Variants in CFAP57 observed in about 807,000 individuals in gnomAD.
The protein encoded by CFAP57 is cilia- and flagella-associated protein 57.
A neutral mutation model predicts 146.8 loss-of-function variants in CFAP57; 116 were observed. The observed-to-expected ratio is 0.79, with a 90% confidence interval of 0.68 to 0.92. The LOEUF (loss-of-function observed/expected upper bound fraction) is 0.92, where lower values mean the gene tolerates loss of function less well. Ranked by LOEUF, CFAP57 falls within the 40% of genes least tolerant of loss-of-function variation. CFAP57 has a pLI of 0.00. For missense variants in CFAP57, 1,377 were observed against 1,527.2 expected (o/e 0.90, Z 1.64); for synonymous variants, 518 against 552.8 (o/e 0.94, Z 0.88).
At chr1:43,249,489 G>T (rs1195833749) in intron 22 of CFAP57, among the ~76,000 whole-genome samples, 1 of 136,254 alleles carries the variant, frequency 7.3e-6, no homozygotes, top group African/African-American at 2.8e-5. Context: ...GAGTGCAGTG[G>T]CGCGATCTCG....
chr1:43,181,534 G>C lies in CFAP57; in HGVS notation c.158G>C (p.Gly53Ala). The C allele has an allele frequency of 6.2e-7, 1 of 1,614,050 alleles. No homozygotes were observed. The highest frequency in any genetic ancestry group is 8.5e-7 in the Non-Finnish European group (1 of 1,180,026). The change falls in exon 3 of 23, where the codon GGC (glycine) becomes GCC (alanine). Residue 53 changes from glycine (G) to alanine (A), a missense_variant and splice_region_variant. Transcript: ENST00000372492. Reference sequence around the variant, plus strand: ...TATTTCCTTTTTCCTCTGTTTGCAGGCTCAGAGAAGAGTCAGGGCATGTTG... The same window carrying C: ...TATTTCCTTTTTCCTCTGTTTGCAGCCTCAGAGAAGAGTCAGGGCATGTTG... ...VDQKWQKFIP[G>A]SEKSQGMLAL...
chr1:43,226,304 T>C (rs1645240388), intron 17 of CFAP57, among the ~76,000 whole-genome samples: 1 of 152,230 alleles, frequency 6.6e-6, no homozygotes, highest in Non-Finnish European at 1.5e-5. Context: ...CTGGGAATAC[T>C]GGGGGTGACT....
intron 7 of CFAP57, among the ~76,000 whole-genome samples, chr1:43,197,924 G>C (rs1351488853): frequency 6.6e-6 from 1 of 152,198 alleles, no homozygotes; most frequent in East Asian, 1.9e-4. Context: ...GGGACATGAA[G>C]AGATGAAGAC....
In CFAP57 at chr1:43,219,519, C is replaced by T. The variant is rs1644964211; in HGVS notation, c.2229C>T (p.Ser743=). The change falls in exon 13 of 23, where the codon TCC becomes TCT. Residue 743 remains serine, a synonymous_variant. Coordinates refer to ENST00000372492, the MANE Select transcript of CFAP57 (RefSeq NM_001378189.1). The part of the protein sequence containing the change: ...LTDKFIQEME[S]LKTKNQVLRT... ...ACAAGTTCATCCAGGAAATGGAGTC[C>T]TTGAAAACAAAAAACCAGGTCTGTT... 6.4e-7 allele frequency: 1 copy of T among 1,550,404 alleles called. No individual in the cohort carries two copies. Among genetic ancestry groups the T allele is most frequent in the Non-Finnish European group, 8.7e-7 (1 of 1,146,934 alleles).
At chr1:43,232,244 G>T (rs970175449) in intron 18 of CFAP57, 26 of 594,036 alleles carry the variant, frequency 4.4e-5, no homozygotes, top group Non-Finnish European at 9.0e-6. Flanking sequence ...CATGGTTGAA[G>T]GAAAGGGAAA....
chr1:43,227,269 G>C, intron 18 of CFAP57, 143 bp downstream of exon 18: 1 of 1,030,110 alleles, frequency 9.7e-7, no homozygotes, highest in Middle Eastern at 3.2e-4. Context: ...CAGTCCACAG[G>C]GGTGCAACAG....
At chr1:43,216,772 T>G (rs1570162980) in intron 12 of CFAP57, among the ~76,000 whole-genome samples, 1 of 152,232 alleles carries the variant, frequency 6.6e-6, no homozygotes, top group East Asian at 1.9e-4. Context: ...ACTCTCTTTA[T>G]ATTCCATTAT....
intron 2 of CFAP57, among the ~76,000 whole-genome samples, chr1:43,180,218 A>G (rs1241286963): frequency 7.4e-6 from 1 of 135,136 alleles, no homozygotes; most frequent in Non-Finnish European, 1.5e-5. Context: ...AAAAATATAT[A>G]TATTTTATAT....
chr1:43,190,054 G>A (rs559459595), intron 6 of CFAP57, among the ~76,000 whole-genome samples: 3 of 152,198 alleles, frequency 2.0e-5, no homozygotes, highest in Admixed American at 6.5e-5. Flanking sequence ...TTTTATCAGC[G>A]TTTTTAGTGA....
intron 8 of CFAP57, 121 bp from the exon 9 acceptor site, chr1:43,199,269 C>A (rs542839825): frequency 8.8e-6 from 8 of 905,150 alleles, no homozygotes; most frequent in South Asian, 2.6e-5. Context: ...ACCTTCCCCC[C>A]ACTCCCACCC....
At position 43,254,277 on chromosome 1, in the gene CFAP57, T is replaced by G. The variant is rs1051625835; in HGVS notation, c.*86T>G. 2 of 1,252,740 alleles carry G rather than the reference T, an allele frequency of 1.6e-6. No individual in the cohort carries two copies. The highest frequency in any genetic ancestry group is 3.0e-5 in the African/African-American group (2 of 66,530). 77.6% of individuals were successfully genotyped at this position (1,252,740 alleles called of 1,614,324 possible). A position where few individuals can be genotyped will look rare whatever the true frequency, so the allele number is the denominator to read the frequency against. On this transcript the variant is annotated 3_prime_UTR_variant, in exon 23 of 23. Coordinates refer to ENST00000372492, the MANE Select transcript of CFAP57 (RefSeq NM_001378189.1). Reference sequence around the variant, plus strand: ...GCCAGACTTGCGGTTGGAGTCTGTATGGTCCCTGCAGCACTGACCCCAGCA... The same window carrying G: ...GCCAGACTTGCGGTTGGAGTCTGTAGGGTCCCTGCAGCACTGACCCCAGCA...
chr1:43,186,738 G>A lies in CFAP57; in HGVS notation c.1001G>A (p.Ser334Asn), dbSNP rs999240240. Reference sequence around the variant, plus strand: ...GTGGACCCGCAGAGCAATGATCCAAGTCAGTCTGACAAACAGGACGTTCTC... The same window carrying A: ...GTGGACCCGCAGAGCAATGATCCAAATCAGTCTGACAAACAGGACGTTCTC... ...IPVDPQSNDPSQSDKQDVLCL... is the reference protein window; with the variant it reads ...IPVDPQSNDPNQSDKQDVLCL... Residue 334 changes from serine to asparagine, a missense_variant, in exon 6 of 23, where the codon AGT (serine) becomes AAT (asparagine). Physicochemically the swap from Ser to Asn is conservative, Grantham distance 46. Coordinates refer to ENST00000372492, the MANE Select transcript of CFAP57 (RefSeq NM_001378189.1). 1 of 1,613,968 alleles carries A rather than the reference G, an allele frequency of 6.2e-7. No individual in the cohort carries two copies. Among genetic ancestry groups the A allele is most frequent in the Non-Finnish European group, 8.5e-7 (1 of 1,179,990 alleles).
chr1:43,205,619 C>T (rs1358515274), intron 9 of CFAP57, among the ~76,000 whole-genome samples: 1 of 152,182 alleles, frequency 6.6e-6, no homozygotes, highest in East Asian at 1.9e-4. Context: ...GTATGCTGAG[C>T]TTAGAGTGGA....
chr1:43,198,970 C>G (rs547380282), intron 8 of CFAP57, among the ~76,000 whole-genome samples: 2 of 152,298 alleles, frequency 1.3e-5, no homozygotes, highest in East Asian at 3.9e-4. Context: ...ATCAGAGTCA[C>G]AGCTAAGAAG....
chr1:43,239,907 T>C (rs1401406721), intron 21 of CFAP57, among the ~76,000 whole-genome samples: 1 of 152,240 alleles, frequency 6.6e-6, no homozygotes, highest in Non-Finnish European at 1.5e-5. Context: ...CGGTTTGGTA[T>C]CCACTGCATT....
At chr1:43,194,217 A>G (rs1643723808) in intron 6 of CFAP57, among the ~76,000 whole-genome samples, 1 of 152,032 alleles carries the variant, frequency 6.6e-6, no homozygotes, top group Non-Finnish European at 1.5e-5. Context: ...ATAGCTTTGC[A>G]GGATTTTTGT....
At chr1:43,179,072 G>A (rs1207563322) in intron 2 of CFAP57, among the ~76,000 whole-genome samples, 2 of 152,040 alleles carry the variant, frequency 1.3e-5, no homozygotes, top group African/African-American at 4.8e-5. Flanking sequence ...ACTCATAGGT[G>A]AGAATTGAAC....
chr1:43,239,888 C>T (rs1446617314), intron 21 of CFAP57, among the ~76,000 whole-genome samples: 1 of 152,150 alleles, frequency 6.6e-6, no homozygotes, highest in Non-Finnish European at 1.5e-5. Context: ...GTAAGAATCT[C>T]ATCTTATTCG....
chr1:43,232,217 G>T (rs1645500612), intron 18 of CFAP57: 2 of 608,554 alleles, frequency 3.3e-6, no homozygotes, highest in Non-Finnish European at 5.9e-6. Flanking sequence ...AGGAATTCAA[G>T]AAAATAAAAT....
Sources: allele counts gnomAD v4.1 joint callset (sites outside exome capture counted in the v4.1 genomes callset), GRCh38; gene constraint gnomAD v4.1.1; transcripts MANE v1.5; gene names NCBI Gene and HGNC (gene_info 2026-07-23, HGNC 2026-07-21).